The following AHNAK2 variants were observed in gnomAD, a reference collection of about 807,000 sequenced individuals.
AHNAK2 encodes the protein AHNAK nucleoprotein 2, also known as protein AHNAK2.
In AHNAK2, 18 loss-of-function variants were observed where a neutral mutation model predicts 30.7. The observed-to-expected ratio is 0.59, with a 90% CI of 0.41 to 0.87. The LOEUF (loss-of-function observed/expected upper bound fraction) is 0.87. Among genes scored for constraint, AHNAK2 ranks in the 40% least tolerant of loss-of-function variants. The probability of loss-of-function intolerance (pLI) is 0.00; values close to 1 mark genes in which losing one functional copy is unlikely to be tolerated. For synonymous variants in AHNAK2, 3,590 were observed against 3,073.8 expected (o/e 1.17, Z -5.56); for missense variants, 8,604 against 7,373.0 (o/e 1.17, Z -6.11).
rs542987099 is a variant in AHNAK2, at chr14:104,950,923, T to C, written c.4528A>G (p.Lys1510Glu). The part of the protein sequence containing the change: ...MPSFGVSAPG[K>E]SIEASVDVSA... ...ACATCCACTGAGGCCTCGATGGACT[T>C]GCCTGGGGCAGACACCCCGAACGAC... The change falls in exon 7 of 7, where the codon AAG becomes GAG. Residue 1510 changes from lysine (K) to glutamate (E), a missense_variant. Physicochemically the swap from Lys to Glu is moderately conservative, Grantham distance 56. Transcript: ENST00000333244. 26 of 1,555,468 alleles carry C rather than the reference T, an allele frequency of 1.7e-5. 1 individual carries two copies. Among genetic ancestry groups the C allele is most frequent in the South Asian group, 1.0e-4 (9 of 88,500 alleles).
Position 104,954,618 on chromosome 14 carries a change from G to T in AHNAK2, c.833C>A (p.Ser278Ter). ...TTCGTAGGCCTCTGACGAGCTGTGTGACCTCTGGGGTCCCGGCCCCCGCTT... is the reference window on the plus strand; with the variant it reads ...TTCGTAGGCCTCTGACGAGCTGTGTTACCTCTGGGGTCCCGGCCCCCGCTT... ...KSKRGPGPQR[S>*]HSSSEAYEPR... The change falls in exon 7 of 7, where the codon TCA becomes TAA. Residue 278 changes from serine to a stop codon, truncating the protein, a stop_gained. Coordinates refer to ENST00000333244, the MANE Select transcript of AHNAK2 (RefSeq NM_138420.4). LOFTEE classifies it low-confidence loss of function (END_TRUNC). The surrounding 1 kb of genome is among the most constrained non-coding windows in gnomAD (Gnocchi z 4.3). 6.2e-7 allele frequency: 1 copy of T among 1,612,304 alleles called. No individual in the cohort carries two copies.
rs1345523201 is a variant in AHNAK2, at chr14:104,952,771, C to G, written c.2680G>C (p.Ala894Pro). 1 of 1,612,626 alleles carries G rather than the reference C, an allele frequency of 6.2e-7. No homozygotes were observed. Among genetic ancestry groups the G allele is most frequent in the Admixed American group, 1.7e-5 (1 of 59,930 alleles). Reference protein sequence around the residue: ...QPPSADLEVQAGQVDVKLPEG... With the variant: ...QPPSADLEVQPGQVDVKLPEG... ...GGAAGTTTCACATCCACTTGGCCAG[C>G]CTGGACCTCCAGGTCAGCGGAAGGG... is the stretch of plus-strand genomic sequence containing the variant. Residue 894 changes from alanine to proline, a missense_variant, in exon 7 of 7, where the codon GCT (alanine) becomes CCT (proline). Transcript: ENST00000333244.
Position 104,952,033 on chromosome 14 carries a change from G to C in AHNAK2, c.3418C>G (p.Leu1140Val). 1 of 1,611,708 alleles carries C rather than the reference G, an allele frequency of 6.2e-7. No homozygotes were observed. Among genetic ancestry groups the C allele is most frequent in the East Asian group, 2.2e-5 (1 of 44,658 alleles). Residue 1140 changes from leucine to valine, a missense_variant, in exon 7 of 7, where the codon CTG becomes GTG. Physicochemically the swap from Leu to Val is conservative, Grantham distance 32. Transcript: ENST00000333244. ...TCCCCCTCCAGCCGCGCACTGTCCA[G>C]CTTGGCTCCCGGGGCCTCGACGTCC... Reference protein sequence around the residue: ...EVDVEAPGAKLDSARLEGELS... With the variant: ...EVDVEAPGAKVDSARLEGELS...
Position 104,954,424 on chromosome 14 carries a change from C to G in AHNAK2, c.1027G>C (p.Gly343Arg), listed in dbSNP as rs1331108228. 6.2e-7 allele frequency: 1 copy of G among 1,612,906 alleles called. No homozygotes were observed. Among genetic ancestry groups the G allele is most frequent in the Non-Finnish European group, 8.5e-7 (1 of 1,179,644 alleles). ...CCCACCCCACTCTGGAACCCCCTGCCTGGCTGTCCTGTCGATGAAGGGCCC... is the reference window on the plus strand; with the variant it reads ...CCCACCCCACTCTGGAACCCCCTGCGTGGCTGTCCTGTCGATGAAGGGCCC... ...GQGPSSTGQP[G>R]RGFQSGVGRA... The change falls in exon 7 of 7, where the codon GGC becomes CGC. Residue 343 changes from glycine to arginine, a missense_variant. Transcript: ENST00000333244. The surrounding 1 kb of genome is among the most constrained non-coding windows in gnomAD (Gnocchi z 4.3).
In AHNAK2 at chr14:104,953,461, T is replaced by A. The variant is rs368101988; in HGVS notation, c.1990A>T (p.Thr664Ser). 4.3e-6 allele frequency: 7 copies of A among 1,614,054 alleles called. No individual in the cohort carries two copies. The East Asian group carries it at 8.9e-5, about 21-fold the overall frequency. ...TCTTTGGTGGCCACTTCCTTTTCTG[T>A]CAGAATTTGTTCCTTTTTTAAGCGT... ...EKRLKKEQILTEKEVATKDSK... is the reference protein window; with the variant it reads ...EKRLKKEQILSEKEVATKDSK... Residue 664 changes from threonine to serine, a missense_variant, in exon 7 of 7, where the codon ACA becomes TCA. Thr to Ser is a moderately conservative substitution (Grantham distance 58, BLOSUM62 1). Coordinates refer to ENST00000333244, the MANE Select transcript of AHNAK2 (RefSeq NM_138420.4).
In AHNAK2 at chr14:104,944,506, T is replaced by G. The variant is rs751939855; in HGVS notation, c.10945A>C (p.Arg3649=). ...ATGGACTTCCCTGGGGCCGATACCC[T>G]GAATGACGGCATCTTGAATTTGGGC... is the stretch of plus-strand genomic sequence containing the variant. ...KMPKFKMPSF[R]VSAPGKSMEA... Residue 3649 remains arginine, a synonymous_variant, in exon 7 of 7, where the codon AGG becomes CGG. Coordinates refer to ENST00000333244, the MANE Select transcript of AHNAK2 (RefSeq NM_138420.4). 2 of 1,610,752 alleles carry G rather than the reference T, an allele frequency of 1.2e-6. No homozygotes were observed. Among genetic ancestry groups the G allele is most frequent in the South Asian group, 2.2e-5 (2 of 90,888 alleles).
chr14:104,965,381 A>G (rs2140878364), intron 1 of AHNAK2, among the ~76,000 whole-genome samples: 1 of 149,320 alleles, frequency 6.7e-6, no homozygotes, highest in Middle Eastern at 3.4e-3. Context: ...AGCCTCAGCA[A>G]CAAAAGCAAA....
rs369745262 is a variant in AHNAK2, at chr14:104,954,071, G to A, written c.1380C>T (p.Ile460=). 7.4e-5 allele frequency: 119 copies of A among 1,613,138 alleles called. No individual in the cohort carries two copies. In the Admixed American group the frequency reaches 8.0e-4, roughly 11 times the overall value. ...CTCTCAAGGACAGTCTGGCGATCCC[G>A]ATTTCCAGGCTCTGCAGTCCCTCGC... ...GEGEGLQSLE[I]GIARLSLRDT... Residue 460 remains isoleucine, a synonymous_variant, in exon 7 of 7, where the codon ATC becomes ATT. Transcript: ENST00000333244. This position sits in a 1 kb window ranked among gnomAD's most constrained non-coding sequence, Gnocchi z 4.3.
At position 104,950,488 on chromosome 14, in the gene AHNAK2, C is replaced by G; in HGVS notation, c.4963G>C (p.Asp1655His). The G allele has an allele frequency of 1.3e-6, 2 of 1,586,994 alleles. No individual in the cohort carries two copies. Among genetic ancestry groups the G allele is most frequent in the African/African-American group, 1.4e-5 (1 of 72,852 alleles). ...SLADKAVTAKDSKFKMPKFKM... is the reference protein window; with the variant it reads ...SLADKAVTAKHSKFKMPKFKM... ...AACTTGGGCATTTTGAACTTGCTGT[C>G]TTTGGCAGTCACCGCCTTGTCGGCC... Residue 1655 changes from aspartate (D) to histidine (H), a missense_variant, in exon 7 of 7, where the codon GAC becomes CAC. Coordinates refer to ENST00000333244, the MANE Select transcript of AHNAK2 (RefSeq NM_138420.4).
At chr14:104,960,547 C>G (rs562479739) in intron 1 of AHNAK2, among the ~76,000 whole-genome samples, 1 of 152,168 alleles carries the variant, frequency 6.6e-6, no homozygotes, top group Non-Finnish European at 1.5e-5. Context: ...GTCCTAGAAG[C>G]AATCCCTCAT....
At chr14:104,976,517 G>A (rs553968575) in intron 1 of AHNAK2, among the ~76,000 whole-genome samples, 8 of 152,292 alleles carry the variant, frequency 5.3e-5, no homozygotes, top group African/African-American at 7.2e-5. Flanking sequence ...TTCCTGGGCC[G>A]CAGGGTTGGG....
intron 1 of AHNAK2, among the ~76,000 whole-genome samples, chr14:104,973,099 C>T (rs1404032436): frequency 7.2e-5 from 11 of 152,214 alleles, no homozygotes; most frequent in Non-Finnish European, 1.6e-4. Flanking sequence ...CCTGGCACCA[C>T]GTGGTGGGAC....
At position 104,948,757 on chromosome 14, in the gene AHNAK2, G is replaced by T. The variant is rs1345185772; in HGVS notation, c.6694C>A (p.Leu2232Ile). The change falls in exon 7 of 7, where the codon CTC (leucine) becomes ATC (isoleucine). Residue 2232 changes from leucine (L) to isoleucine (I), a missense_variant. Coordinates refer to ENST00000333244, the MANE Select transcript of AHNAK2 (RefSeq NM_138420.4). ...TGCAGCTTGGGCAGGTGCCCTTTGA[G>T]GCCGACTTCCTCGGGCACAGGGCCC... is the stretch of plus-strand genomic sequence containing the variant. ...LEGPVPEEVG[L>I]KGHLPKLQMP... is the part of the protein sequence containing the mutation. The T allele has an allele frequency of 6.2e-7, 1 of 1,611,874 alleles. No individual in the cohort carries two copies. Among genetic ancestry groups the T allele is most frequent in the Non-Finnish European group, 8.5e-7 (1 of 1,179,564 alleles).
Position 104,945,486 on chromosome 14 carries a change from G to C in AHNAK2, c.9965C>G (p.Ala3322Gly), listed in dbSNP as rs752775621. 1 of 1,613,316 alleles carries C rather than the reference G, an allele frequency of 6.2e-7. No individual in the cohort carries two copies. Among genetic ancestry groups the C allele is most frequent in the South Asian group, 1.1e-5 (1 of 91,046 alleles). The change falls in exon 7 of 7, where the codon GCC (alanine) becomes GGC (glycine). Residue 3322 changes from alanine (A) to glycine (G), a missense_variant. By Grantham distance (60) the Ala-to-Gly change is moderately conservative. Transcript: ENST00000333244. ...CGAGGCCTGGATGGACTTGCCTGGG[G>C]CAGACGCCCTGTACGACGGCATCTT... The part of the protein sequence containing the change: ...KFKMPSYRAS[A>G]PGKSIQASVD...
Position 104,946,955 on chromosome 14 carries a change from G to C in AHNAK2, c.8496C>G (p.Ile2832Met), listed in dbSNP as rs368673190. The change falls in exon 7 of 7, where the codon ATC becomes ATG. Residue 2832 changes from isoleucine (I) to methionine (M), a missense_variant. By Grantham distance (10) the Ile-to-Met change is conservative. Transcript: ENST00000333244. ...SFGVSAPGKSIEASVDVSELK... is the reference protein window; with the variant it reads ...SFGVSAPGKSMEASVDVSELK... ...GCTCAGACACATCCACCGAGGCCTC[G>C]ATGGACTTGCCTGGGGCCGACACCC... The C allele has an allele frequency of 6.3e-5, 102 of 1,611,226 alleles. No homozygotes were observed. In the Admixed American group the frequency reaches 1.2e-3, roughly 19 times the overall value.
intron 1 of AHNAK2, among the ~76,000 whole-genome samples, chr14:104,967,608 C>T (rs901361199): frequency 7.2e-5 from 11 of 152,358 alleles, no homozygotes; most frequent in Middle Eastern, 3.4e-3. Context: ...CCTCAGCCAC[C>T]GCACTGGGAG....
intron 1 of AHNAK2, among the ~76,000 whole-genome samples, chr14:104,962,396 C>T (rs1899174025): frequency 6.6e-6 from 1 of 152,236 alleles, no homozygotes; most frequent in South Asian, 2.1e-4. Context: ...CAGCCCCACA[C>T]TTACATGGCC....
rs1413776815 is a variant in AHNAK2 at position 104,946,670 on chromosome 14, G to T, written c.8781C>A (p.Gly2927=). The change falls in exon 7 of 7, where the codon GGC becomes GGA. Residue 2927 remains glycine, a synonymous_variant. Transcript: ENST00000333244. ...DVKGPKLDLK[G]PKAEVTAPDV... is the part of the protein sequence containing the mutation. ...CGGGGGCCGTCACCTCCGCCTTGGG[G>T]CCTTTCAGGTCCAGCTTGGGGCCCT... 6.2e-7 allele frequency: 1 copy of T among 1,612,900 alleles called. No homozygotes were observed. Among genetic ancestry groups the T allele is most frequent in the Non-Finnish European group, 8.5e-7 (1 of 1,179,696 alleles).
Position 104,939,217 on chromosome 14 carries a change from C to G in AHNAK2, c.16234G>C (p.Glu5412Gln). The G allele has an allele frequency of 1.2e-6, 2 of 1,613,866 alleles. No individual in the cohort carries two copies. Among genetic ancestry groups the G allele is most frequent in the East Asian group, 4.5e-5 (2 of 44,890 alleles). ...ATATTGGCCTCTGGACACTGCACTT[C>G]CCTCACAGTGGGGATGAACACATCA... ...EDDVFIPTVR[E>Q]VQCPEANIDT... The change falls in exon 7 of 7, where the codon GAA becomes CAA. Residue 5412 changes from glutamate (E) to glutamine (Q), a missense_variant. Transcript: ENST00000333244.
Sources: gnomAD v4.1 joint callset for allele counts (sites outside exome capture counted in the v4.1 genomes callset) on GRCh38, gnomAD v4.1.1 for gene constraint, Gnocchi (gnomAD v3.1) non-coding constraint, MANE v1.5 for transcripts, NCBI Gene and HGNC (gene_info 2026-07-23, HGNC 2026-07-21) for gene names.